IFIH1: variants seen among roughly 807,000 people sequenced by gnomAD.
IFIH1 encodes interferon induced with helicase C domain 1.
A neutral mutation model predicts 107.4 loss-of-function variants in IFIH1; 125 were observed. That is an observed-to-expected ratio of 1.16 (90% CI 1.01 to 1.35). The LOEUF (loss-of-function observed/expected upper bound fraction) is 1.35. IFIH1 is among the 40% of genes most tolerant of loss of function. The pLI, the probability that IFIH1 is intolerant of heterozygous loss-of-function variation, is 0.00. For missense variants in IFIH1, 1,333 were observed against 1,213.7 expected (o/e 1.10, Z -1.46); for synonymous variants, 458 against 413.2 (o/e 1.11, Z -1.31).
chr2:162,275,245 G>T (rs1023080190), intron 11 of IFIH1, among the ~76,000 whole-genome samples: 3 of 152,020 alleles, frequency 2.0e-5, no homozygotes, highest in Admixed American at 6.6e-5. Context: ...GGTTTGAAAT[G>T]AATAAGGAGC....
chr2:162,293,457 C>T, intron 4 of IFIH1, 107 bp downstream of exon 4: 3 of 643,634 alleles, frequency 4.7e-6, no homozygotes, highest in Non-Finnish European at 8.1e-6. Context: ...AAAAGAATTG[C>T]TTTAATTGCA....
At chr2:162,308,106 T>G (rs150855074) in intron 2 of IFIH1, among the ~76,000 whole-genome samples, 2 of 152,174 alleles carry the variant, frequency 1.3e-5, no homozygotes, top group African/African-American at 4.8e-5. Flanking sequence ...AGTCTGTTTA[T>G]GCTGCCATAA....
At chr2:162,279,341 C>A (rs549271122) in intron 8 of IFIH1, among the ~76,000 whole-genome samples, 10 of 152,154 alleles carry the variant, frequency 6.6e-5, no homozygotes, top group African/African-American at 2.4e-4. Context: ...TTGATCCCAA[C>A]ATTCTTATTT....
chr2:162,269,604 T>C (rs923344486), intron 13 of IFIH1, among the ~76,000 whole-genome samples: 5 of 152,212 alleles, frequency 3.3e-5, no homozygotes, highest in Non-Finnish European at 7.3e-5. Flanking sequence ...TAGAAAAATC[T>C]GGTTCTTGAA....
intron 13 of IFIH1, among the ~76,000 whole-genome samples, chr2:162,269,781 C>G (rs907388717): frequency 3.9e-5 from 6 of 152,160 alleles, no homozygotes; most frequent in Non-Finnish European, 7.3e-5. Flanking sequence ...TTTTAGATCT[C>G]CCTTCAAGGC....
intron 5 of IFIH1, among the ~76,000 whole-genome samples, chr2:162,285,491 T>C (rs1360437710): frequency 1.3e-5 from 2 of 151,904 alleles, no homozygotes; most frequent in African/African-American, 2.4e-5. Context: ...CTGAAATTAA[T>C]TTAAAATTCA....
At chr2:162,276,635 A>G (rs1682669114) in intron 11 of IFIH1, 52 bp downstream of exon 11, 13 of 1,549,618 alleles carry the variant, frequency 8.4e-6, no homozygotes, top group Middle Eastern at 1.7e-4. Flanking sequence ...AAGAGAAGAG[A>G]AGAAGAAAAG....
chr2:162,316,234 G>A lies in IFIH1; in HGVS notation c.453+1621C>T, dbSNP rs995654802. The stretch of plus-strand genomic sequence containing the variant: ...ATACCCACCAAACATAAACAGCTTT[G>A]TGGTGTTACTGGACTCTGTTGCTTC... On this transcript the variant is annotated intron_variant, in intron 1 of 15. Coordinates refer to ENST00000649979, the MANE Select transcript of IFIH1 (RefSeq NM_022168.4). Among the ~76,000 whole-genome samples, 8 of 152,290 alleles carry A rather than the reference G, an allele frequency of 5.3e-5. No homozygotes were observed. In the East Asian group the frequency reaches 7.7e-4, roughly 15 times the overall value.
Position 162,270,647 on chromosome 2 carries a change from T to A in IFIH1, c.2616+1579A>T, listed in dbSNP as rs113472773. Among the ~76,000 whole-genome samples the A allele has an allele frequency of 8.2e-3, 1,250 of 152,232 alleles. 12 individuals are homozygous for A. The highest frequency in any genetic ancestry group is 0.028 in the African/African-American group (1,155 of 41,538). Reference sequence around the variant, plus strand: ...TTATTCTAAAGAATGTCTGGAAGAATTTGACCCTTAAACTCCAGAGATTGT... The same window carrying A: ...TTATTCTAAAGAATGTCTGGAAGAAATTGACCCTTAAACTCCAGAGATTGT... On this transcript the variant is annotated intron_variant, in intron 13 of 15. Coordinates refer to ENST00000649979, the MANE Select transcript of IFIH1 (RefSeq NM_022168.4).
At chr2:162,308,062 A>T (rs1401944887) in intron 2 of IFIH1, among the ~76,000 whole-genome samples, 1 of 152,208 alleles carries the variant, frequency 6.6e-6, no homozygotes, top group Non-Finnish European at 1.5e-5. Flanking sequence ...AGGATCCGAT[A>T]TGTATCAGGA....
chr2:162,272,795 G>A (rs1691070568), intron 12 of IFIH1, among the ~76,000 whole-genome samples: 1 of 152,110 alleles, frequency 6.6e-6, no homozygotes, highest in Non-Finnish European at 1.5e-5. Flanking sequence ...ACTAGGGCTG[G>A]TGAGAAGGCA....
rs1558866937 is a variant in IFIH1 at position 162,279,990 on chromosome 2, C to A, written c.1641+6G>T. The A allele has an allele frequency of 1.4e-6, 2 of 1,449,076 alleles. No homozygotes were observed. The highest frequency in any genetic ancestry group is 1.9e-6 in the Non-Finnish European group (2 of 1,030,418). 89.8% of individuals were successfully genotyped at this position (1,449,076 alleles called of 1,614,324 possible). ...AATCAATAGATATAAAACATTAAGC[C>A]CATACTTCTCTGGTTGCATCTGCAA... On this transcript the variant is annotated splice_donor_region_variant and intron_variant, in intron 8 of 15. Transcript: ENST00000649979.
Position 162,317,030 on chromosome 2 carries a change from TG to T in IFIH1, c.453+824del, listed in dbSNP as rs1356633866. On this transcript the variant is annotated intron_variant, in intron 1 of 15. Coordinates refer to ENST00000649979, the MANE Select transcript of IFIH1 (RefSeq NM_022168.4). ...TAAAGAAAAAGGGTGTGTGTGTGTGTGTGTGTGTGTGTGTGTGTGTGATTGC... is the reference window on the plus strand; with the variant it reads ...TAAAGAAAAAGGGTGTGTGTGTGTGTTGTGTGTGTGTGTGTGTGTGATTGC... Among the ~76,000 whole-genome samples the T allele has an allele frequency of 4.5e-3, 680 of 151,976 alleles. 7 individuals are homozygous for T. The highest frequency in any genetic ancestry group is 0.016 in the African/African-American group (644 of 41,454).
intron 3 of IFIH1, among the ~76,000 whole-genome samples, chr2:162,304,831 T>C (rs2105225077): frequency 6.6e-6 from 1 of 152,342 alleles, no homozygotes; most frequent in South Asian, 2.1e-4. Context: ...TAAGCACTCA[T>C]ATCCCATACT....
At chr2:162,284,670 A>C (rs1180291768) in intron 5 of IFIH1, among the ~76,000 whole-genome samples, 1 of 152,064 alleles carries the variant, frequency 6.6e-6, no homozygotes, top group East Asian at 1.9e-4. Flanking sequence ...AGAATAATAA[A>C]GACTACCTTA....
At chr2:162,270,949 A>G (rs1344740565) in intron 13 of IFIH1, among the ~76,000 whole-genome samples, 1 of 152,146 alleles carries the variant, frequency 6.6e-6, no homozygotes, top group East Asian at 1.9e-4. Flanking sequence ...AACTCTATTT[A>G]AGGTAGAGCC....
intron 2 of IFIH1, among the ~76,000 whole-genome samples, chr2:162,307,586 G>T (rs1353181250): frequency 6.6e-6 from 1 of 152,114 alleles, no homozygotes; most frequent in Non-Finnish European, 1.5e-5. Context: ...GGCTTATGTG[G>T]GTTAAAAAGA....
At chr2:162,271,886 TA>T (rs1691047525) in intron 13 of IFIH1, among the ~76,000 whole-genome samples, 2 of 152,180 alleles carry the variant, frequency 1.3e-5, no homozygotes, top group Non-Finnish European at 2.9e-5. Context: ...TTTCTGAAAT[TA>T]AAAAACTGTG....
chr2:162,302,009 AC>A (rs1403028702), intron 3 of IFIH1, among the ~76,000 whole-genome samples: 1 of 152,214 alleles, frequency 6.6e-6, no homozygotes, highest in East Asian at 1.9e-4. Context: ...TGATTTGTAA[AC>A]ATAGGTGGGA....
Sources: gnomAD v4.1 joint callset for allele counts (sites outside exome capture counted in the v4.1 genomes callset) on GRCh38, gnomAD v4.1.1 for gene constraint, MANE v1.5 for transcripts, NCBI Gene and HGNC (gene_info 2026-07-23, HGNC 2026-07-21) for gene names.